Variants in PIK3C2G observed in about 807,000 individuals in gnomAD.
PIK3C2G encodes the protein phosphatidylinositol-4-phosphate 3-kinase catalytic subunit type 2 gamma.
Under a neutral mutation model 181.1 loss-of-function variants are expected in PIK3C2G, and 168 were observed. The observed-to-expected ratio is 0.93, with a 90% CI of 0.82 to 1.05. The LOEUF is 1.05. Ranked by LOEUF, PIK3C2G falls within the 50% of genes least tolerant of loss-of-function variation. The probability of loss-of-function intolerance (pLI) is 0.00; values close to 1 mark genes in which losing one functional copy is unlikely to be tolerated. For synonymous variants in PIK3C2G, 573 were observed against 592.2 expected (o/e 0.97, Z 0.47); for missense variants, 1,869 against 1,732.8 (o/e 1.08, Z -1.40).
intron 1 of PIK3C2G, among the ~76,000 whole-genome samples, chr12:18,271,684 T>C (rs1948751226): frequency 6.6e-6 from 1 of 152,198 alleles, no homozygotes; most frequent in African/African-American, 2.4e-5. Flanking sequence ...GATTGTCTCT[T>C]ATACTGAGAT....
chr12:18,477,417 T>C (rs1592358711), intron 18 of PIK3C2G, among the ~76,000 whole-genome samples: 2 of 152,136 alleles, frequency 1.3e-5, no homozygotes, highest in African/African-American at 2.4e-5. Context: ...AGGACAATTA[T>C]ACCTGCCTAT....
At chr12:18,461,722 C>CT (rs1472858965) in intron 18 of PIK3C2G, among the ~76,000 whole-genome samples, 1 of 152,170 alleles carries the variant, frequency 6.6e-6, no homozygotes, top group Non-Finnish European at 1.5e-5. Context: ...GAGGCCACAG[C>CT]TAAAAGATGC....
At chr12:18,492,331 C>T (rs569692388) in intron 20 of PIK3C2G, among the ~76,000 whole-genome samples, 292 of 152,146 alleles carry the variant, frequency 1.9e-3, no homozygotes, top group Non-Finnish European at 1.6e-3. Context: ...AGAAAACAAA[C>T]CCAATAATTA....
chr12:18,622,248 A>G (rs1948894600), intron 31 of PIK3C2G, among the ~76,000 whole-genome samples: 1 of 151,484 alleles, frequency 6.6e-6, no homozygotes, highest in Admixed American at 6.6e-5. Flanking sequence ...CTGCCATTCT[A>G]CTCTCTGTTT....
chr12:18,438,617 A>T (rs753636680), intron 18 of PIK3C2G, among the ~76,000 whole-genome samples: 6 of 151,856 alleles, frequency 4.0e-5, no homozygotes, highest in Non-Finnish European at 7.4e-5. Context: ...AGAGCTATAA[A>T]GAAGAAGAGC....
intron 1 of PIK3C2G, among the ~76,000 whole-genome samples, chr12:18,263,551 T>C (rs1948344241): frequency 6.6e-6 from 1 of 152,154 alleles, no homozygotes; most frequent in African/African-American, 2.4e-5. Context: ...GTATAAACTG[T>C]TGCCATTTAA....
At chr12:18,439,013 G>A (rs1946595310) in intron 18 of PIK3C2G, among the ~76,000 whole-genome samples, 1 of 151,902 alleles carries the variant, frequency 6.6e-6, no homozygotes, top group Admixed American at 6.6e-5. Flanking sequence ...GATTACTAAT[G>A]ACATGGAATT....
intron 24 of PIK3C2G, among the ~76,000 whole-genome samples, chr12:18,515,309 G>A (rs1328191310): frequency 6.6e-6 from 1 of 151,884 alleles, no homozygotes; most frequent in Non-Finnish European, 1.5e-5. Flanking sequence ...ATTTGTATTA[G>A]TTCTTTTTCA....
intron 24 of PIK3C2G, among the ~76,000 whole-genome samples, chr12:18,515,188 CT>C (rs1278957379): frequency 6.6e-6 from 1 of 151,578 alleles, no homozygotes; most frequent in African/African-American, 2.4e-5. Context: ...CTGTGGTTTT[CT>C]TTTTTTGTTG....
intron 8 of PIK3C2G, among the ~76,000 whole-genome samples, chr12:18,337,268 A>G (rs1156769646): frequency 6.6e-6 from 1 of 152,162 alleles, no homozygotes; most frequent in Non-Finnish European, 1.5e-5. Context: ...AACAGAGAAG[A>G]TTTTTTAAAA....
intron 13 of PIK3C2G, among the ~76,000 whole-genome samples, chr12:18,381,148 C>A (rs1245915189): frequency 2.0e-5 from 3 of 152,130 alleles, no homozygotes; most frequent in African/African-American, 7.2e-5. Context: ...TAAAGCCTTT[C>A]CTGTATGCAC....
At chr12:18,456,037 T>C (rs572933687) in intron 18 of PIK3C2G, among the ~76,000 whole-genome samples, 2 of 152,292 alleles carry the variant, frequency 1.3e-5, no homozygotes, top group East Asian at 3.9e-4. Flanking sequence ...TGTTAAGCAT[T>C]CAAATGTGCC....
chr12:18,356,776 G>C (rs1040427684), intron 11 of PIK3C2G, among the ~76,000 whole-genome samples: 1 of 151,116 alleles, frequency 6.6e-6, no homozygotes, highest in Non-Finnish European at 1.5e-5. Flanking sequence ...CCCCTCTGAA[G>C]TCAAGCTGCT....
At chr12:18,487,621 A>G (rs1436555887) in intron 18 of PIK3C2G, among the ~76,000 whole-genome samples, 2 of 152,220 alleles carry the variant, frequency 1.3e-5, no homozygotes, top group South Asian at 4.1e-4. Flanking sequence ...TAAAATTGTC[A>G]AACATTTGTT....
chr12:18,436,433 G>A (rs1946451275), intron 18 of PIK3C2G, among the ~76,000 whole-genome samples: 1 of 152,020 alleles, frequency 6.6e-6, no homozygotes, highest in Non-Finnish European at 1.5e-5. Context: ...TTCCTCTAAG[G>A]TTTTTGATAT....
intron 24 of PIK3C2G, among the ~76,000 whole-genome samples, chr12:18,534,177 T>C (rs1476583146): frequency 6.6e-6 from 1 of 151,906 alleles, no homozygotes; most frequent in Non-Finnish European, 1.5e-5. Flanking sequence ...CTCAAGCTCC[T>C]GGCCTCCGAT....
intron 18 of PIK3C2G, among the ~76,000 whole-genome samples, chr12:18,478,293 G>A (rs1939207045): frequency 6.6e-6 from 1 of 152,142 alleles, no homozygotes; most frequent in Non-Finnish European, 1.5e-5. Context: ...ATGTGCTGAT[G>A]TTAGAGACTT....
chr12:18,620,676 CT>C lies in PIK3C2G; in HGVS notation c.4182+11057del, dbSNP rs199546345. ...TTCCCAAGTGCTATTGCTAAGCCAACTTTTTTTTTTATATTCTGAATTTGCA... is the reference window on the plus strand; with the variant it reads ...TTCCCAAGTGCTATTGCTAAGCCAACTTTTTTTTTATATTCTGAATTTGCA... On this transcript the variant is annotated intron_variant, in intron 31 of 32. Coordinates refer to ENST00000538779, the MANE Select transcript of PIK3C2G (RefSeq NM_001288772.2). 3.2e-4 allele frequency among the ~76,000 whole-genome samples: 48 copies of C among 148,862 alleles called. No homozygotes were observed. The Middle Eastern group carries it at 0.01, about 32-fold the overall frequency.
chr12:18,692,024 G>A, the PIK3C2G span, among the ~76,000 whole-genome samples: 1 of 152,122 alleles, frequency 6.6e-6, no homozygotes, highest in African/African-American at 2.4e-5. Flanking sequence ...CAAATCCTGT[G>A]GTATTACGAT....
Sources: gnomAD v4.1 joint callset for allele counts (sites outside exome capture counted in the v4.1 genomes callset) on GRCh38, gnomAD v4.1.1 for gene constraint, MANE v1.5 for transcripts, NCBI Gene and HGNC (gene_info 2026-07-23, HGNC 2026-07-21) for gene names.